Variants in WDHD1 observed in about 807,000 individuals in gnomAD.
WDHD1 encodes the protein WD repeat and HMG-box DNA-binding protein 1.
In WDHD1, 111 loss-of-function variants were observed where a neutral mutation model predicts 135.4. The observed-to-expected ratio is 0.82, with a 90% CI of 0.70 to 0.96. The LOEUF is 0.96. Among genes scored for constraint, WDHD1 ranks in the 40% least tolerant of loss-of-function variants. The probability of loss-of-function intolerance (pLI) is 0.00; values close to 1 mark genes in which losing one functional copy is unlikely to be tolerated. For missense variants in WDHD1, 1,351 were observed against 1,336.3 expected, an observed-to-expected ratio of 1.01 and a Z score of -0.17; for synonymous variants, 434 against 439.0, an observed-to-expected ratio of 0.99 and a Z score of 0.14.
chr14:54,976,643 A>C (rs1163480707), intron 16 of WDHD1, among the ~76,000 whole-genome samples: 1 of 152,220 alleles, frequency 6.6e-6, no homozygotes, highest in Non-Finnish European at 1.5e-5. Context: ...AAATATGCCA[A>C]CATGTTAAGC....
chr14:54,998,003 G>A (rs1460866968), intron 10 of WDHD1, among the ~76,000 whole-genome samples: 1 of 151,758 alleles, frequency 6.6e-6, no homozygotes, highest in Non-Finnish European at 1.5e-5. Context: ...CCTGAGGTCA[G>A]GAATTCAAGA....
In WDHD1 at chr14:55,008,335, ACT is replaced by A. The variant is rs2042107160; in HGVS notation, c.483_484del (p.Arg161SerfsTer12). 2 of 1,613,474 alleles carry A rather than the reference ACT, an allele frequency of 1.2e-6. No homozygotes were observed. Among genetic ancestry groups the A allele is most frequent in the Non-Finnish European group, 1.7e-6 (2 of 1,179,760 alleles). ...GTTTACCTGATCTGAAATTTGCCAC[ACT>A]CTGACAGATCCATCACAACTAGCTG... is the stretch of plus-strand genomic sequence containing the variant. On this transcript the variant is annotated frameshift_variant, in exon 6 of 26. Transcript: ENST00000360586. LOFTEE classifies it high-confidence loss of function.
rs2040834082 is a variant in WDHD1, at chr14:54,941,340, CA to C, written c.*149del. 1.6e-6 allele frequency: 1 copy of C among 617,720 alleles called. No individual in the cohort carries two copies. The highest frequency in any genetic ancestry group is 2.6e-6 in the Non-Finnish European group (1 of 387,344). The allele number at this position is 617,720 out of a possible 1,614,324, so 38.3% of individuals were successfully genotyped here. On this transcript the variant is annotated 3_prime_UTR_variant, in exon 26 of 26. Coordinates refer to ENST00000360586, the MANE Select transcript of WDHD1 (RefSeq NM_007086.4). ...TTTACATATGTCCTGTTACCTACAC[CA>C]ATATAATTACTACATTATCTTATAA...
chr14:55,017,420 G>A (rs534538089), intron 2 of WDHD1, among the ~76,000 whole-genome samples: 2 of 152,044 alleles, frequency 1.3e-5, no homozygotes, highest in South Asian at 4.2e-4. Context: ...TCGGGTCACT[G>A]CAACCTCCAC....
intron 16 of WDHD1, among the ~76,000 whole-genome samples, chr14:54,971,712 C>CAAAAAA (rs1195129802): frequency 9.5e-5 from 4 of 42,264 alleles, no homozygotes; most frequent in African/African-American, 2.7e-4. Flanking sequence ...GACTCTGCCT[C>CAAAAAA]AAAAAAAAAA....
At chr14:55,006,774 C>T (rs1177660548) in intron 7 of WDHD1, among the ~76,000 whole-genome samples, 1 of 152,072 alleles carries the variant, frequency 6.6e-6, no homozygotes, top group African/African-American at 2.4e-5. Flanking sequence ...ATTTATACTT[C>T]AAAATGAATC....
intron 24 of WDHD1, among the ~76,000 whole-genome samples, chr14:54,951,691 C>T (rs1595059558): frequency 6.6e-6 from 1 of 152,166 alleles, no homozygotes; most frequent in East Asian, 1.9e-4. Flanking sequence ...GGCAGACACA[C>T]AACAAAAAAA....
chr14:54,964,798 G>A (rs1234983433), intron 18 of WDHD1, among the ~76,000 whole-genome samples: 3 of 152,118 alleles, frequency 2.0e-5, no homozygotes, highest in Non-Finnish European at 4.4e-5. Context: ...TCTTTGATAT[G>A]AGTCCCCTGG....
intron 15 of WDHD1, among the ~76,000 whole-genome samples, chr14:54,982,645 C>CA: frequency 6.6e-6 from 1 of 152,242 alleles, no homozygotes; most frequent in East Asian, 1.9e-4. Flanking sequence ...TTAGTTTCCG[C>CA]AGGGTCTGGA....
rs958831773 is a variant in WDHD1 at position 54,974,202 on chromosome 14, G to T, written c.2064-6808C>A. ...ATAAGGAGGCTGAGGTAGGCAGATC[G>T]CTTGAGCTCAGGAGCTCAAGACCAG... On this transcript the variant is annotated intron_variant, in intron 16 of 25. Transcript: ENST00000360586. Among the ~76,000 whole-genome samples the T allele has an allele frequency of 2.6e-5, 4 of 151,868 alleles. No homozygotes were observed. The East Asian group carries it at 5.8e-4, about 22-fold the overall frequency.
intron 24 of WDHD1, among the ~76,000 whole-genome samples, chr14:54,950,237 T>C (rs1389987752): frequency 6.6e-6 from 1 of 152,164 alleles, no homozygotes; most frequent in East Asian, 1.9e-4. Flanking sequence ...GTGTGCTGTA[T>C]TCAGGAGACC....
chr14:54,975,342 C>T (rs2041507783), intron 16 of WDHD1, among the ~76,000 whole-genome samples: 1 of 151,312 alleles, frequency 6.6e-6, no homozygotes, highest in Admixed American at 6.6e-5. Context: ...AGTAATTTCT[C>T]ATATTCATAA....
intron 24 of WDHD1, 144 bp downstream of exon 24, chr14:54,955,417 T>G (rs114911405): frequency 3.2e-6 from 2 of 627,398 alleles, no homozygotes; most frequent in Non-Finnish European, 4.6e-6. Flanking sequence ...GTGGCTTCCT[T>G]ATAGTCACAA....
intron 3 of WDHD1, among the ~76,000 whole-genome samples, chr14:55,010,768 C>G (rs1320038036): frequency 1.3e-5 from 2 of 152,194 alleles, no homozygotes; most frequent in African/African-American, 4.8e-5. Flanking sequence ...AGGAAGGAGA[C>G]TCAAGAGAGC....
rs771060783 is a variant in WDHD1 at position 55,020,244 on chromosome 14, C to T, written c.77+6467G>A. 1.8e-4 allele frequency among the ~76,000 whole-genome samples: 27 copies of T among 152,318 alleles called. 1 individual carries two copies. The highest frequency in any genetic ancestry group is 3.4e-3 in the Middle Eastern group (1 of 294). On this transcript the variant is annotated intron_variant, in intron 2 of 25. Coordinates refer to ENST00000360586, the MANE Select transcript of WDHD1 (RefSeq NM_007086.4). ...GTCAACCTCACTAATTCAAATTCCT[C>T]CCCTTCCATTATCTTGAATCCACTT...
chr14:55,016,519 G>A (rs2042264440), intron 2 of WDHD1, among the ~76,000 whole-genome samples: 1 of 152,180 alleles, frequency 6.6e-6, no homozygotes, highest in Non-Finnish European at 1.5e-5. Context: ...TAGTTATCTT[G>A]AGAAGGCTGC....
chr14:54,942,016 C>T (rs1404659116), intron 25 of WDHD1, among the ~76,000 whole-genome samples: 2 of 151,872 alleles, frequency 1.3e-5, no homozygotes, highest in Non-Finnish European at 2.9e-5. Flanking sequence ...TTTGGGAGGC[C>T]GAGGTGGGTG....
intron 24 of WDHD1, among the ~76,000 whole-genome samples, chr14:54,953,908 T>C (rs2041106534): frequency 6.6e-6 from 1 of 151,764 alleles, no homozygotes; most frequent in African/African-American, 2.4e-5. Context: ...CACTCATAGG[T>C]GAGAACTGAA....
Position 55,008,686 on chromosome 14 carries a change from A to C in WDHD1, c.375T>G (p.Asp125Glu). 4 of 1,612,666 alleles carry C rather than the reference A, an allele frequency of 2.5e-6. No homozygotes were observed. The highest frequency in any genetic ancestry group is 3.4e-6 in the Non-Finnish European group (4 of 1,179,670). ...CTCGAAATGTTTTCTGTTGGCTGCT[A>C]TCCATCACATCCACAATTTTGACTA... ...DFLVKIVDVMDSSQQKTFRGH... is the reference protein window; with the variant it reads ...DFLVKIVDVMESSQQKTFRGH... The change falls in exon 5 of 26, where the codon GAT becomes GAG. Residue 125 changes from aspartate to glutamate, a missense_variant. By Grantham distance (45) the Asp-to-Glu change is conservative. This residue lies in a region of WDHD1 where 1,330 missense variants were observed against 1,296.1 expected (regional missense o/e 1.03). Transcript: ENST00000360586.
Sources: gnomAD v4.1 joint callset for allele counts (sites outside exome capture counted in the v4.1 genomes callset) on GRCh38, gnomAD v4.1.1 for gene constraint, gnomAD v4.1.1 regional missense constraint, MANE v1.5 for transcripts, NCBI Gene and HGNC (gene_info 2026-07-23, HGNC 2026-07-21) for gene names.